The following FARS2 variants were observed in gnomAD, a reference collection of about 807,000 sequenced individuals.
FARS2 encodes phenylalanine--tRNA ligase, mitochondrial.
A neutral mutation model predicts 46.4 loss-of-function variants in FARS2; 40 were observed. The ratio of observed to expected loss-of-function variants is 0.86; its 90% CI spans 0.67 to 1.12. The LOEUF (loss-of-function observed/expected upper bound fraction) is 1.12. FARS2 is among the 50% of genes most tolerant of loss of function. FARS2 has a pLI of 0.00. For missense variants in FARS2, 513 were observed against 567.9 expected (o/e 0.90, Z 0.98); for synonymous variants, 234 against 214.9 (o/e 1.09, Z -0.78).
chr6:5,405,459 C>T (rs1486463018), intron 3 of FARS2, among the ~76,000 whole-genome samples: 6 of 140,754 alleles, frequency 4.3e-5, no homozygotes, highest in African/African-American at 8.0e-5. Flanking sequence ...TACATGAGGA[C>T]GTGATCAGTG....
chr6:5,400,294 A>G (rs1037671943), intron 2 of FARS2, among the ~76,000 whole-genome samples: 2 of 150,510 alleles, frequency 1.3e-5, no homozygotes, highest in Admixed American at 6.6e-5. Context: ...TTTTCTATGG[A>G]GTTTTTGGCC....
intron 2 of FARS2, among the ~76,000 whole-genome samples, chr6:5,373,208 C>T (rs140482746): frequency 1.3e-5 from 2 of 152,194 alleles, no homozygotes; most frequent in East Asian, 1.9e-4. Flanking sequence ...ATCAAATTTA[C>T]GGGAGAGACT....
At chr6:5,250,402 T>C in the FARS2 span, among the ~76,000 whole-genome samples, 1 of 152,176 alleles carries the variant, frequency 6.6e-6, no homozygotes, top group African/African-American at 2.4e-5. Context: ...CCCAAAACCT[T>C]GGCTGCTATA....
At chr6:5,383,559 GAC>G (rs34568743) in intron 2 of FARS2, among the ~76,000 whole-genome samples, 35,467 of 151,940 alleles carry the variant, frequency 0.23, 5,229 homozygotes, top group East Asian at 0.42. Flanking sequence ...CTAAAATGAG[GAC>G]AACTCTTGAG....
At chr6:5,659,460 A>G (rs899430053) in intron 6 of FARS2, among the ~76,000 whole-genome samples, 12 of 152,322 alleles carry the variant, frequency 7.9e-5, no homozygotes, top group South Asian at 4.1e-4. Context: ...CGGTGAGCAG[A>G]TAATTATCTT....
chr6:5,501,006 G>A (rs1427643905), intron 4 of FARS2, among the ~76,000 whole-genome samples: 2 of 151,730 alleles, frequency 1.3e-5, no homozygotes, highest in Non-Finnish European at 2.9e-5. Context: ...TTTGGGAGAT[G>A]GGGCTAGAAG....
At chr6:5,555,646 C>T (rs532962098) in intron 5 of FARS2, among the ~76,000 whole-genome samples, 12 of 152,094 alleles carry the variant, frequency 7.9e-5, no homozygotes, top group Non-Finnish European at 1.2e-4. Context: ...CTGTGAGAAT[C>T]GCATCGGCTT....
intron 5 of FARS2, among the ~76,000 whole-genome samples, chr6:5,591,715 A>C (rs907656026): frequency 1.3e-5 from 2 of 152,220 alleles, no homozygotes; most frequent in African/African-American, 4.8e-5. Context: ...GCCATTATAC[A>C]ATCATCAACT....
chr6:5,454,968 A>T (rs1362138305), intron 4 of FARS2, among the ~76,000 whole-genome samples: 1 of 152,090 alleles, frequency 6.6e-6, no homozygotes, highest in Non-Finnish European at 1.5e-5. Flanking sequence ...ACCAATTGTG[A>T]TTATGTCTTT....
chr6:5,371,595 G>T lies in FARS2; in HGVS notation c.612+2413G>T, dbSNP rs149698884. On this transcript the variant is annotated intron_variant, in intron 2 of 6. Coordinates refer to ENST00000274680, the MANE Select transcript of FARS2 (RefSeq NM_006567.5). Reference sequence around the variant, plus strand: ...AAACTCTAGTGAACAGTAATAAATTGGGGGGAGTAATCAATAGATATTGAA... The same window carrying T: ...AAACTCTAGTGAACAGTAATAAATTTGGGGGAGTAATCAATAGATATTGAA... Among the ~76,000 whole-genome samples, 433 of 152,194 alleles carry T rather than the reference G, an allele frequency of 2.8e-3. 4 individuals are homozygous for T. Among genetic ancestry groups the T allele is most frequent in the African/African-American group, 0.01 (419 of 41,532 alleles).
intron 6 of FARS2, among the ~76,000 whole-genome samples, chr6:5,656,959 G>A (rs1454017808): frequency 2.6e-5 from 4 of 152,148 alleles, no homozygotes; most frequent in Admixed American, 2.6e-4. Flanking sequence ...GCTCCAGTGA[G>A]TATCACTTGA....
upstream of FARS2, chr6:5,260,701 A>G (rs774797057): frequency 6.4e-7 from 1 of 1,554,014 alleles, no homozygotes; most frequent in Non-Finnish European, 8.7e-7. Flanking sequence ...CCCGGTACAG[A>G]GATAACACTT....
chr6:5,548,074 A>G (rs1005447649), intron 5 of FARS2, among the ~76,000 whole-genome samples: 13 of 152,192 alleles, frequency 8.5e-5, no homozygotes, highest in African/African-American at 3.1e-4. Flanking sequence ...AGCAAGAGAA[A>G]ATGATGAAGA....
At chr6:5,451,978 A>G (rs899403689) in intron 4 of FARS2, 2 of 152,224 alleles carry the variant, frequency 1.3e-5, no homozygotes, top group African/African-American at 2.4e-5. Flanking sequence ...TAGTTACACG[A>G]TAGTTAACTA....
intron 4 of FARS2, among the ~76,000 whole-genome samples, chr6:5,514,861 G>A (rs1367844769): frequency 2.0e-5 from 3 of 151,742 alleles, no homozygotes; most frequent in African/African-American, 7.3e-5. Flanking sequence ...TCAACCTCCT[G>A]GGCTCAAGTG....
At chr6:5,517,655 C>T (rs1351495486) in intron 4 of FARS2, among the ~76,000 whole-genome samples, 1 of 151,354 alleles carries the variant, frequency 6.6e-6, no homozygotes, top group Non-Finnish European at 1.5e-5. Context: ...CACACATACA[C>T]ACATACTGGG....
chr6:5,581,846 C>T (rs6597144), intron 5 of FARS2, among the ~76,000 whole-genome samples: 120,245 of 149,854 alleles, frequency 0.8, 48,281 homozygotes, highest in East Asian at 0.85. Flanking sequence ...AACATACTTC[C>T]GGTTAATTCC....
chr6:5,508,242 G>A (rs943290015), intron 4 of FARS2, among the ~76,000 whole-genome samples: 4 of 152,242 alleles, frequency 2.6e-5, no homozygotes, highest in African/African-American at 9.6e-5. Flanking sequence ...TTTTCACCAG[G>A]AATGTAGGTG....
At chr6:5,404,118 T>G (rs1235837335) in intron 2 of FARS2, among the ~76,000 whole-genome samples, 1 of 152,210 alleles carries the variant, frequency 6.6e-6, no homozygotes, top group Admixed American at 6.5e-5. Context: ...GATACAGGAC[T>G]AGCAAATTCC....
Sources: gnomAD v4.1 joint callset for allele counts (sites outside exome capture counted in the v4.1 genomes callset) on GRCh38, gnomAD v4.1.1 for gene constraint, MANE v1.5 for transcripts, NCBI Gene and HGNC (gene_info 2026-07-23, HGNC 2026-07-21) for gene names.